Variants in CYP4X1 observed in about 807,000 individuals in gnomAD.
CYP4X1 encodes the protein cytochrome P450 family 4 subfamily X member 1.
In CYP4X1, 44 loss-of-function variants were observed where a neutral mutation model predicts 57.9. The observed-to-expected ratio is 0.76, with a 90% CI of 0.60 to 0.98. The LOEUF (loss-of-function observed/expected upper bound fraction) is 0.98, where lower values mean the gene tolerates loss of function less well. CYP4X1 is among the 50% of genes least tolerant of loss of function. The probability of loss-of-function intolerance (pLI) is 0.00; values close to 1 mark genes in which losing one functional copy is unlikely to be tolerated. For missense variants in CYP4X1, 532 were observed against 623.9 expected (o/e 0.85, Z 1.57); for synonymous variants, 227 against 228.6 (o/e 0.99, Z 0.06).
chr1:47,008,854 A>T, the CYP4X1 span, among the ~76,000 whole-genome samples: 4 of 152,164 alleles, frequency 2.6e-5, no homozygotes, highest in African/African-American at 2.4e-5. Context: ...AGGGATCAAT[A>T]CAACAAGAAG....
At chr1:47,042,871 G>A (rs1025081592) in intron 8 of CYP4X1, among the ~76,000 whole-genome samples, 2 of 152,124 alleles carry the variant, frequency 1.3e-5, no homozygotes, top group Non-Finnish European at 2.9e-5. Context: ...TGGGCATTTG[G>A]ACTGGTTCCA....
rs768009091 is a variant in CYP4X1 at position 47,033,282 on chromosome 1, C to T, written c.406C>T (p.His136Tyr). ...TCTAGACGGACCCAAGTGGTTCCAG[C>T]ATCGTCGCCTACTAACTCCTGGATT... ...AALDGPKWFQ[H>Y]RRLLTPGFHF... The change falls in exon 4 of 12, where the codon CAT becomes TAT. Residue 136 changes from histidine to tyrosine, a missense_variant. His to Tyr is a moderately conservative substitution (Grantham distance 83, BLOSUM62 2). Coordinates refer to ENST00000371901, the MANE Select transcript of CYP4X1 (RefSeq NM_178033.2). The T allele has an allele frequency of 6.2e-7, 1 of 1,613,772 alleles. No homozygotes were observed. Among genetic ancestry groups the T allele is most frequent in the Non-Finnish European group, 8.5e-7 (1 of 1,179,804 alleles).
chr1:46,979,296 C>T, the CYP4X1 span, among the ~76,000 whole-genome samples: 8 of 152,246 alleles, frequency 5.3e-5, no homozygotes, highest in African/African-American at 1.9e-4. Context: ...AAGGGGATAT[C>T]ACCGCTGATC....
the CYP4X1 span, among the ~76,000 whole-genome samples, chr1:46,999,558 C>T: frequency 8.6e-5 from 13 of 151,772 alleles, no homozygotes; most frequent in Non-Finnish European, 1.5e-4. Flanking sequence ...TTTTTGGTCT[C>T]GATTTTATTT....
intron 8 of CYP4X1, among the ~76,000 whole-genome samples, chr1:47,043,957 A>C (rs1242212805): frequency 6.6e-6 from 1 of 151,956 alleles, no homozygotes; most frequent in Non-Finnish European, 1.5e-5. Flanking sequence ...TTTTTTTCCA[A>C]CCCTTCGCAT....
chr1:47,053,604 G>A (rs1451679688), downstream of CYP4X1, among the ~76,000 whole-genome samples: 2 of 152,068 alleles, frequency 1.3e-5, no homozygotes, highest in African/African-American at 2.4e-5. Context: ...TTTAATGATC[G>A]CCATTCTAAC....
In CYP4X1 at chr1:47,043,697, A is replaced by G. The variant is rs551517614; in HGVS notation, c.1074-2770A>G. On this transcript the variant is annotated intron_variant, in intron 8 of 11. Coordinates refer to ENST00000371901, the MANE Select transcript of CYP4X1 (RefSeq NM_178033.2). ...GATGAGGATCCAGTTTCATGCTTCT[A>G]CATGTGGCTTGCCAATTATCCCAGT... Among the ~76,000 whole-genome samples, 3 of 152,262 alleles carry G rather than the reference A, an allele frequency of 2.0e-5. No individual in the cohort carries two copies. The East Asian group carries it at 5.8e-4, about 29-fold the overall frequency.
Position 47,030,255 on chromosome 1 carries a change from G to A in CYP4X1, c.319+124G>A, listed in dbSNP as rs1644111761. 8 of 1,211,956 alleles carry A rather than the reference G, an allele frequency of 6.6e-6. No homozygotes were observed. The South Asian group carries it at 8.4e-5, about 13-fold the overall frequency. 75.1% of individuals were successfully genotyped at this position (1,211,956 alleles called of 1,614,324 possible). A position where few individuals can be genotyped will look rare whatever the true frequency, so the allele number is the denominator to read the frequency against. ...TTAAGAGACACAGCAGCAAGTATGGGGAGGTGACAGGTTTCCTACCAATAC... is the reference window on the plus strand; with the variant it reads ...TTAAGAGACACAGCAGCAAGTATGGAGAGGTGACAGGTTTCCTACCAATAC... On this transcript the variant is annotated intron_variant, in intron 2 of 11. Transcript: ENST00000371901.
chr1:46,969,589 TCTA>T, the CYP4X1 span, among the ~76,000 whole-genome samples: 1 of 152,248 alleles, frequency 6.6e-6, no homozygotes, highest in South Asian at 2.1e-4. Context: ...AAAACTTATT[TCTA>T]CTATTTACAT....
At chr1:46,999,070 T>C in the CYP4X1 span, among the ~76,000 whole-genome samples, 1 of 120,120 alleles carries the variant, frequency 8.3e-6, no homozygotes, top group Admixed American at 7.4e-5. Context: ...GTGTGTGTTT[T>C]GGTGCTGAGA....
the CYP4X1 span, among the ~76,000 whole-genome samples, chr1:47,013,759 C>CTTTT: frequency 1.2e-4 from 15 of 122,110 alleles, no homozygotes; most frequent in East Asian, 4.8e-4. Context: ...TCAATATACT[C>CTTTT]TTTTTTTTTT....
chr1:46,969,843 C>T, the CYP4X1 span, among the ~76,000 whole-genome samples: 1 of 152,152 alleles, frequency 6.6e-6, no homozygotes, highest in African/African-American at 2.4e-5. Flanking sequence ...GACTATGGTA[C>T]AGAGATTCTA....
chr1:47,044,419 A>G (rs1196975106), intron 8 of CYP4X1, among the ~76,000 whole-genome samples: 2 of 152,160 alleles, frequency 1.3e-5, no homozygotes, highest in Admixed American at 6.5e-5. Context: ...TAATTTACCT[A>G]GTTTTGGAGA....
the CYP4X1 span, among the ~76,000 whole-genome samples, chr1:46,968,080 T>A: frequency 6.6e-6 from 1 of 152,046 alleles, no homozygotes; most frequent in Non-Finnish European, 1.5e-5. Flanking sequence ...GGGACTAGGA[T>A]CCTTAGGAAG....
chr1:47,007,213 C>A, the CYP4X1 span, among the ~76,000 whole-genome samples: 53 of 152,312 alleles, frequency 3.5e-4, no homozygotes, highest in African/African-American at 1.3e-3. Context: ...CGGCCAGGTA[C>A]TCCTCTGAGA....
intron 9 of CYP4X1, among the ~76,000 whole-genome samples, chr1:47,048,264 A>G (rs1180567374): frequency 6.6e-6 from 1 of 152,212 alleles, no homozygotes; most frequent in Non-Finnish European, 1.5e-5. Flanking sequence ...AAAACAAAAA[A>G]CAAATATTTA....
chr1:47,053,379 C>G (rs571213461), downstream of CYP4X1, among the ~76,000 whole-genome samples: 1 of 152,084 alleles, frequency 6.6e-6, no homozygotes, highest in East Asian at 1.9e-4. Context: ...AATAAACATA[C>G]GTGTGCATGT....
chr1:46,990,056 A>C, the CYP4X1 span, among the ~76,000 whole-genome samples: 1 of 152,258 alleles, frequency 6.6e-6, no homozygotes, highest in Non-Finnish European at 1.5e-5. Flanking sequence ...AATGGAATCT[A>C]GTTAAACTAA....
chr1:47,018,592 G>A, the CYP4X1 span, among the ~76,000 whole-genome samples: 4 of 152,118 alleles, frequency 2.6e-5, no homozygotes, highest in Admixed American at 6.5e-5. Flanking sequence ...GGAAGAGGTT[G>A]ACCTGTTCCC....
Sources: allele counts gnomAD v4.1 joint callset (sites outside exome capture counted in the v4.1 genomes callset), GRCh38; gene constraint gnomAD v4.1.1; transcripts MANE v1.5; gene names NCBI Gene and HGNC (gene_info 2026-07-23, HGNC 2026-07-21).